Variants in AK6 observed in about 807,000 individuals in gnomAD.
AK6 encodes adenylate kinase isoenzyme 6.
In AK6, 24 loss-of-function variants were observed where a neutral mutation model predicts 23.7. The observed-to-expected ratio is 1.01, with a 90% CI of 0.73 to 1.43. The LOEUF (loss-of-function observed/expected upper bound fraction) is 1.43. Ranked by LOEUF, AK6 falls within the 40% of genes most tolerant of loss-of-function variation. AK6 has a pLI of 0.00. For synonymous variants in AK6, 73 were observed against 69.8 expected (o/e 1.05, Z -0.23); for missense variants, 191 against 199.1 (o/e 0.96, Z 0.24).
At chr5:69,361,756 C>G (rs540709415) in intron 2 of AK6, among the ~76,000 whole-genome samples, 3 of 151,938 alleles carry the variant, frequency 2.0e-5, no homozygotes, top group Non-Finnish European at 4.4e-5. Flanking sequence ...TGGGGCCCAC[C>G]ACCATACCTG....
At chr5:69,361,602 CTGAT>C (rs1158826505) in intron 2 of AK6, among the ~76,000 whole-genome samples, 1 of 150,660 alleles carries the variant, frequency 6.6e-6, no homozygotes, top group African/African-American at 2.4e-5. Flanking sequence ...CAACGCCGGA[CTGAT>C]TTTTTTTTTT....
rs759423974 is a variant in AK6, at chr5:69,369,472, G to C, written c.19C>G (p.Leu7Val). Residue 7 changes from leucine to valine, a missense_variant, in exon 1 of 5, where the codon CTG becomes GTG. By Grantham distance (32) the Leu-to-Val change is conservative (BLOSUM62 1). Coordinates refer to ENST00000380822, the MANE Select transcript of AK6 (RefSeq NM_016283.5). MLLPNI[L>V]LTGTPGVGKT... ...GGCCGCGCGCCCTGACCGGTGAGCA[G>C]GATGTTCGGAAGCAACATGGTCCCC... 1.2e-6 allele frequency: 2 copies of C among 1,611,308 alleles called. No homozygotes were observed. Among genetic ancestry groups the C allele is most frequent in the East Asian group, 2.2e-5 (1 of 44,824 alleles).
rs574185384 is a variant in AK6, at chr5:69,351,864, C to T, written c.*197G>A. 64 of 396,422 alleles carry T rather than the reference C, an allele frequency of 1.6e-4. No individual in the cohort carries two copies. Among genetic ancestry groups the T allele is most frequent in the African/African-American group, 1.3e-3 (64 of 48,584 alleles). 24.6% of individuals were successfully genotyped at this position (396,422 alleles called of 1,614,324 possible). A position where few individuals can be genotyped will look rare whatever the true frequency, so the allele number is the denominator to read the frequency against. ...TAAAATCACAGTTTTTGTCTCAATC[C>T]TTAATAATACTATATTCATTATATT... On this transcript the variant is annotated 3_prime_UTR_variant, in exon 5 of 5. Transcript: ENST00000380822.
chr5:69,352,357 T>A, intron 4 of AK6, 104 bp from the exon 5 acceptor site: 2 of 851,348 alleles, frequency 2.3e-6, no homozygotes, highest in South Asian at 1.8e-5. Context: ...CGTGAAAAAT[T>A]ACAGAAATGG....
intron 2 of AK6, chr5:69,364,896 C>T: frequency 6.6e-7 from 1 of 1,522,052 alleles, no homozygotes. Context: ...AATATCAGTA[C>T]AATGAATTCA....
At chr5:69,365,648 T>A (rs1762389098) in intron 2 of AK6, 3 of 1,613,786 alleles carry the variant, frequency 1.9e-6, no homozygotes, top group Non-Finnish European at 2.5e-6. Flanking sequence ...TTGGCTCATA[T>A]TCTGTAATCC....
At chr5:69,356,074 G>A in intron 2 of AK6, 121 bp from the exon 3 acceptor site, 6 of 760,200 alleles carry the variant, frequency 7.9e-6, no homozygotes, top group Admixed American at 3.3e-5. Flanking sequence ...ATACAAGGGT[G>A]GATACTAACA....
chr5:69,361,698 G>C (rs183964055), intron 2 of AK6, among the ~76,000 whole-genome samples: 1 of 150,636 alleles, frequency 6.6e-6, no homozygotes, highest in East Asian at 2.0e-4. Context: ...TCCGCCTAAC[G>C]GGTTCAAGTG....
intron 4 of AK6, among the ~76,000 whole-genome samples, chr5:69,354,266 T>C (rs1282814691): frequency 6.6e-6 from 1 of 152,224 alleles, no homozygotes; most frequent in African/African-American, 2.4e-5. Flanking sequence ...ATGTACCATA[T>C]AGTCTCTATT....
chr5:69,355,051 G>A (rs1019319583), intron 4 of AK6, among the ~76,000 whole-genome samples: 10 of 151,998 alleles, frequency 6.6e-5, no homozygotes, highest in African/African-American at 1.2e-4. Context: ...GCATGGTCTC[G>A]ATGTCCTGAC....
At position 69,352,151 on chromosome 5, in the gene AK6, C is replaced by G. The variant is rs146413102; in HGVS notation, c.429G>C (p.Gln143His). 12 of 1,613,902 alleles carry G rather than the reference C, an allele frequency of 7.4e-6. No individual in the cohort carries two copies. Among genetic ancestry groups the G allele is most frequent in the Non-Finnish European group, 1.0e-5 (12 of 1,179,910 alleles). ...GCTCTTCTGGTTTATTACTGGGCAG[C>G]TGATGCACGATTTCTTCCTTGTAGG... ...TASYKEEIVH[Q>H]LPSNKPEELE... Residue 143 changes from glutamine (Q) to histidine (H), a missense_variant, in exon 5 of 5, where the codon CAG becomes CAC. By Grantham distance (24) the Gln-to-His change is conservative. Coordinates refer to ENST00000380822, the MANE Select transcript of AK6 (RefSeq NM_016283.5).
rs1180549149 is a variant in AK6 at position 69,352,146 on chromosome 5, G to C, written c.434C>G (p.Pro145Arg). ...SYKEEIVHQL[P>R]SNKPEELENN... ...TTCTAGCTCTTCTGGTTTATTACTG[G>C]GCAGCTGATGCACGATTTCTTCCTT... Residue 145 changes from proline (P) to arginine (R), a missense_variant, in exon 5 of 5, where the codon CCC becomes CGC. By Grantham distance (103) the Pro-to-Arg change is moderately radical. Transcript: ENST00000380822. The C allele has an allele frequency of 1.2e-6, 2 of 1,613,564 alleles. No individual in the cohort carries two copies. Among genetic ancestry groups the C allele is most frequent in the Non-Finnish European group, 1.7e-6 (2 of 1,179,832 alleles).
At chr5:69,358,779 T>C (rs1762150450) in intron 2 of AK6, among the ~76,000 whole-genome samples, 1 of 152,060 alleles carries the variant, frequency 6.6e-6, no homozygotes, top group South Asian at 2.1e-4. Context: ...GAAGCCAAAT[T>C]TATACTTGCC....
chr5:69,352,863 G>T (rs1487377433), intron 4 of AK6, among the ~76,000 whole-genome samples: 1 of 152,026 alleles, frequency 6.6e-6, no homozygotes, highest in East Asian at 1.9e-4. Flanking sequence ...CAAATACAAA[G>T]TTTCCATATT....
intron 1 of AK6, 156 bp downstream of exon 1, chr5:69,369,307 C>A: frequency 1.4e-6 from 1 of 717,870 alleles, no homozygotes. Context: ...GCAACGCCCG[C>A]GAGGGTCGGC....
rs946444422 is a variant in AK6 at position 69,351,250 on chromosome 5, A to C, written c.*811T>G. On this transcript the variant is annotated 3_prime_UTR_variant, in exon 5 of 5. Coordinates refer to ENST00000380822, the MANE Select transcript of AK6 (RefSeq NM_016283.5). ...CACTATGTTGCCCAGGCTGGTCTTG[A>C]ACTCCTGCCTCAAGCGATTCTCCAC... is the stretch of plus-strand genomic sequence containing the variant. 2.6e-5 allele frequency: 4 copies of C among 151,842 alleles called. No individual in the cohort carries two copies. Among genetic ancestry groups the C allele is most frequent in the African/African-American group, 9.7e-5 (4 of 41,182 alleles). The allele number at this position is 151,842 out of a possible 1,614,324, so 9.4% of individuals were successfully genotyped here. A position where few individuals can be genotyped will look rare whatever the true frequency, so the allele number is the denominator to read the frequency against.
chr5:69,362,989 G>A (rs1220662877), intron 2 of AK6, among the ~76,000 whole-genome samples: 1 of 152,074 alleles, frequency 6.6e-6, no homozygotes, highest in African/African-American at 2.4e-5. Flanking sequence ...CAGCACTTTG[G>A]GAGGCTAAGG....
rs755421640 is a variant in AK6 at position 69,365,255 on chromosome 5, T to C, written c.121+1248A>G. ...TGGTCTGTGGGGTTGGTGTGCCTAG[T>C]GTGGGAGTACTTGGTCTGCTAGTAA... is the stretch of plus-strand genomic sequence containing the variant. On this transcript the variant is annotated intron_variant, in intron 2 of 4. Transcript: ENST00000380822. 4 of 1,614,076 alleles carry C rather than the reference T, an allele frequency of 2.5e-6. No homozygotes were observed. The Admixed American group carries it at 5.0e-5, about 20-fold the overall frequency.
chr5:69,357,240 G>A (rs192980377), intron 2 of AK6, among the ~76,000 whole-genome samples: 1 of 152,300 alleles, frequency 6.6e-6, no homozygotes. Context: ...CTGATTCTAG[G>A]CACATAAACC....
Sources: allele counts gnomAD v4.1 joint callset (sites outside exome capture counted in the v4.1 genomes callset), GRCh38; gene constraint gnomAD v4.1.1; transcripts MANE v1.5; gene names NCBI Gene and HGNC (gene_info 2026-07-23, HGNC 2026-07-21).